Variants in KCNQ3 observed in about 807,000 individuals in gnomAD.
The protein encoded by KCNQ3 is potassium voltage-gated channel subfamily Q member 3, also known as potassium voltage-gated channel subfamily KQT member 3.
KCNQ3 carries 30 observed loss-of-function variants against 92.5 expected under a neutral mutation model. The observed-to-expected ratio is 0.32, with a 90% CI of 0.24 to 0.44. The LOEUF is 0.44. Among genes scored for constraint, KCNQ3 ranks in the 20% least tolerant of loss-of-function variants. KCNQ3 has a pLI of 1.00. For synonymous variants in KCNQ3, 450 were observed against 468.8 expected, an observed-to-expected ratio of 0.96 and a Z score of 0.52; for missense variants, 913 against 1,140.3, an observed-to-expected ratio of 0.80 and a Z score of 2.87.
chr8:132,208,595 T>C (rs906718999), intron 1 of KCNQ3, among the ~76,000 whole-genome samples: 8 of 152,024 alleles, frequency 5.3e-5, no homozygotes, highest in African/African-American at 1.9e-4. Flanking sequence ...TGTTTTGATA[T>C]GTAGAAAAAG....
chr8:132,271,612 C>T (rs1419933474), intron 1 of KCNQ3, among the ~76,000 whole-genome samples: 1 of 151,838 alleles, frequency 6.6e-6, no homozygotes. Context: ...CAGTTTGTGG[C>T]CTTATCAAAT....
At chr8:132,182,521 G>A (rs1270838934) in intron 3 of KCNQ3, among the ~76,000 whole-genome samples, 1 of 152,230 alleles carries the variant, frequency 6.6e-6, no homozygotes. Flanking sequence ...GGGGGACCTG[G>A]AGCTCTGTGA....
At chr8:132,446,444 A>C (rs1456037333) in intron 1 of KCNQ3, among the ~76,000 whole-genome samples, 2 of 152,160 alleles carry the variant, frequency 1.3e-5, no homozygotes, top group Admixed American at 1.3e-4. Context: ...GCTGCTGGGA[A>C]TCTGTGTGTC....
intron 1 of KCNQ3, among the ~76,000 whole-genome samples, chr8:132,259,404 CTT>C (rs1217686557): frequency 1.3e-5 from 2 of 152,192 alleles, no homozygotes; most frequent in East Asian, 3.9e-4. Context: ...AAAACCTCCT[CTT>C]GAGTATTTCA....
intron 1 of KCNQ3, among the ~76,000 whole-genome samples, chr8:132,269,789 C>G (rs117309296): frequency 9.9e-4 from 151 of 152,272 alleles, no homozygotes; most frequent in South Asian, 3.7e-3. Flanking sequence ...TTATATATTT[C>G]TCACCTCCTC....
intron 3 of KCNQ3, among the ~76,000 whole-genome samples, chr8:132,181,835 C>T (rs778995881): frequency 2.0e-5 from 3 of 152,024 alleles, no homozygotes; most frequent in Non-Finnish European, 2.9e-5. Flanking sequence ...GGGCAGATCA[C>T]GAGGTCAGGA....
intron 1 of KCNQ3, among the ~76,000 whole-genome samples, chr8:132,214,293 T>C (rs1813956673): frequency 6.6e-6 from 1 of 152,214 alleles, no homozygotes; most frequent in Non-Finnish European, 1.5e-5. Flanking sequence ...AGGTAAATGT[T>C]TCCTCCTGCA....
chr8:132,123,587 C>T lies in KCNQ3; in HGVS notation c.*5675G>A, dbSNP rs1824565118. 1 of 152,162 alleles carries T rather than the reference C, an allele frequency of 6.6e-6. No individual in the cohort carries two copies. 9.4% of individuals were successfully genotyped at this position (152,162 alleles called of 1,614,324 possible). On this transcript the variant is annotated 3_prime_UTR_variant, in exon 15 of 15. Transcript: ENST00000388996. ...TGCTTTGATTTCACTTGGTATTTTA[C>T]TTTTAGTTTTGTCTCTAACATCTGG...
intron 9 of KCNQ3, among the ~76,000 whole-genome samples, chr8:132,162,089 T>A (rs1334873954): frequency 3.3e-5 from 5 of 151,860 alleles, no homozygotes; most frequent in Admixed American, 3.3e-4. Context: ...GAGTGGGGGG[T>A]TCTTGAAAGG....
chr8:132,207,384 G>T (rs888364246), intron 1 of KCNQ3, among the ~76,000 whole-genome samples: 8 of 152,268 alleles, frequency 5.3e-5, no homozygotes, highest in African/African-American at 1.9e-4. Flanking sequence ...CATTTTAATA[G>T]CGAATAAAGC....
chr8:132,147,779 A>C (rs951359151), intron 9 of KCNQ3, among the ~76,000 whole-genome samples: 5 of 152,214 alleles, frequency 3.3e-5, no homozygotes, highest in Admixed American at 2.0e-4. Flanking sequence ...TTTTGATATG[A>C]GTGCTCAGTA....
chr8:132,340,158 T>C (rs1184246764), intron 1 of KCNQ3, among the ~76,000 whole-genome samples: 1 of 152,154 alleles, frequency 6.6e-6, no homozygotes, highest in East Asian at 1.9e-4. Flanking sequence ...TTTACACTGT[T>C]GGTAGGAGTG....
At chr8:132,131,018 G>C (rs1447212660) in intron 14 of KCNQ3, among the ~76,000 whole-genome samples, 1 of 152,174 alleles carries the variant, frequency 6.6e-6, no homozygotes, top group East Asian at 1.9e-4. Context: ...ACAAGGGTCA[G>C]TTAGAAAAGT....
At chr8:132,477,827 C>G (rs1175113382) in intron 1 of KCNQ3, among the ~76,000 whole-genome samples, 1 of 152,166 alleles carries the variant, frequency 6.6e-6, no homozygotes, top group Non-Finnish European at 1.5e-5. Flanking sequence ...AAGGGGCACC[C>G]AGTGACGCTC....
At chr8:132,142,933 A>C (rs887521042) in intron 9 of KCNQ3, among the ~76,000 whole-genome samples, 3 of 152,298 alleles carry the variant, frequency 2.0e-5, no homozygotes, top group South Asian at 2.1e-4. Flanking sequence ...ATGGCGGCCT[A>C]ACAACATCTG....
intron 1 of KCNQ3, among the ~76,000 whole-genome samples, chr8:132,475,502 G>A (rs147961541): frequency 9.9e-4 from 151 of 152,288 alleles, no homozygotes; most frequent in Non-Finnish European, 1.8e-3. Context: ...GACACTTATG[G>A]TATGCTCTGT....
Position 132,186,193 on chromosome 8 carries a change from G to A in KCNQ3, c.387-12C>T. 6.3e-7 allele frequency: 1 copy of A among 1,591,334 alleles called. No individual in the cohort carries two copies. The highest frequency in any genetic ancestry group is 8.6e-7 in the Non-Finnish European group (1 of 1,159,430). On this transcript the variant is annotated splice_polypyrimidine_tract_variant and intron_variant, in intron 1 of 14. Coordinates refer to ENST00000388996, the MANE Select transcript of KCNQ3 (RefSeq NM_004519.4). ...GGACAATCAGGAACCTAGAGGGGAA[G>A]AAAGAAATGGACTAAGGAACCTTTG... is the stretch of plus-strand genomic sequence containing the variant.
intron 8 of KCNQ3, among the ~76,000 whole-genome samples, chr8:132,165,851 T>C (rs1192302932): frequency 2.0e-5 from 3 of 152,220 alleles, no homozygotes; most frequent in Admixed American, 6.5e-5. Context: ...AATGGGGTTA[T>C]GAAAAATGGA....
chr8:132,342,339 C>T (rs761354447), intron 1 of KCNQ3, among the ~76,000 whole-genome samples: 25 of 151,436 alleles, frequency 1.7e-4, no homozygotes, highest in Admixed American at 3.3e-4. Context: ...TTTTAAGGCG[C>T]GTCATCCCCA....
Sources: allele counts gnomAD v4.1 joint callset (sites outside exome capture counted in the v4.1 genomes callset), GRCh38; gene constraint gnomAD v4.1.1; transcripts MANE v1.5; gene names NCBI Gene and HGNC (gene_info 2026-07-23, HGNC 2026-07-21).